The following DPF3 variants were observed in gnomAD, a reference collection of about 807,000 sequenced individuals.
DPF3 encodes the protein zinc finger protein DPF3.
DPF3 carries 18 observed loss-of-function variants against 56.8 expected under a neutral mutation model. The observed-to-expected ratio is 0.32, with a 90% confidence interval of 0.22 to 0.47. The LOEUF is 0.47. DPF3 is among the 20% of genes least tolerant of loss of function. The pLI, the probability that DPF3 is intolerant of heterozygous loss-of-function variation, is 1.00. For missense variants in DPF3, 403 were observed against 488.8 expected (o/e 0.82, Z 1.65); for synonymous variants, 188 against 180.2 (o/e 1.04, Z -0.35).
chr14:72,769,738 G>A lies in DPF3; in HGVS notation c.193+1995C>T, dbSNP rs1054117339. On this transcript the variant is annotated intron_variant, in intron 2 of 10. Coordinates refer to ENST00000556509, the MANE Select transcript of DPF3 (RefSeq NM_001280542.3). ...GCCAGAATCCTGAATGGCCAGAGATGAGGCAAGATAAGCCTCATAAGAATA... is the reference window on the plus strand; with the variant it reads ...GCCAGAATCCTGAATGGCCAGAGATAAGGCAAGATAAGCCTCATAAGAATA... 4.7e-5 allele frequency among the ~76,000 whole-genome samples: 7 copies of A among 149,148 alleles called. No homozygotes were observed. The South Asian group carries it at 1.3e-3, about 27-fold the overall frequency.
intron 3 of DPF3, chr14:72,742,331 G>C (rs1022832630): frequency 2.0e-5 from 3 of 152,310 alleles, no homozygotes; most frequent in African/African-American, 7.2e-5. Flanking sequence ...CCCAGAGACA[G>C]ATAAGCACTG....
intron 1 of DPF3, among the ~76,000 whole-genome samples, chr14:72,776,470 A>T (rs1386527543): frequency 6.6e-6 from 1 of 152,042 alleles, no homozygotes; most frequent in Non-Finnish European, 1.5e-5. Context: ...TCTACATGAG[A>T]TTTCCAGCAA....
chr14:72,861,254 T>C (rs1250683938), intron 1 of DPF3, among the ~76,000 whole-genome samples: 2 of 152,230 alleles, frequency 1.3e-5, no homozygotes, highest in Non-Finnish European at 2.9e-5. Flanking sequence ...GCTATGATTA[T>C]GTAAGCTCTA....
intron 6 of DPF3, among the ~76,000 whole-genome samples, chr14:72,706,823 T>A (rs1215371474): frequency 6.6e-6 from 1 of 152,040 alleles, no homozygotes; most frequent in Non-Finnish European, 1.5e-5. Context: ...TTTTTTTTCT[T>A]TTTTCTTTTA....
chr14:72,733,618 G>A (rs1257762671), intron 3 of DPF3, among the ~76,000 whole-genome samples: 1 of 152,072 alleles, frequency 6.6e-6, no homozygotes, highest in Non-Finnish European at 1.5e-5. Context: ...TCTCCCAAGG[G>A]CCAACCTTAA....
intron 2 of DPF3, among the ~76,000 whole-genome samples, chr14:72,766,006 C>G (rs1487668680): frequency 6.6e-6 from 1 of 152,038 alleles, no homozygotes; most frequent in Non-Finnish European, 1.5e-5. Context: ...AGGGTAGAGG[C>G]ATGGAGAAGC....
chr14:72,752,325 C>A (rs1296601786), intron 3 of DPF3, among the ~76,000 whole-genome samples: 1 of 152,192 alleles, frequency 6.6e-6, no homozygotes. Flanking sequence ...TGCTGCAACA[C>A]AGACACAGGT....
intron 2 of DPF3, among the ~76,000 whole-genome samples, chr14:72,770,414 G>T (rs1891473266): frequency 6.6e-6 from 1 of 152,174 alleles, no homozygotes; most frequent in Non-Finnish European, 1.5e-5. Flanking sequence ...TTTGGATCCT[G>T]ATTTAAACTA....
At chr14:72,848,468 T>C (rs1295450633) in intron 1 of DPF3, among the ~76,000 whole-genome samples, 3 of 152,184 alleles carry the variant, frequency 2.0e-5, no homozygotes, top group Non-Finnish European at 4.4e-5. Context: ...CCTAGACTTA[T>C]GTAGCCATTC....
Position 72,618,327 on chromosome 14 carries a change from A to G in DPF3, c.*970T>C, listed in dbSNP as rs1324611614. Among the ~76,000 whole-genome samples, 1 of 152,184 alleles carries G rather than the reference A, an allele frequency of 6.6e-6. No individual in the cohort carries two copies. Among genetic ancestry groups the G allele is most frequent in the Non-Finnish European group, 1.5e-5 (1 of 68,028 alleles). ...TCGCATCAATACTGAAGGTTTCTCA[A>G]AGCTGCAGCCCCCTGTATCCAGCAT... On this transcript the variant is annotated 3_prime_UTR_variant, in exon 11 of 11. Transcript: ENST00000556509.
chr14:72,833,410 A>G (rs1884146242), intron 1 of DPF3, among the ~76,000 whole-genome samples: 1 of 152,210 alleles, frequency 6.6e-6, no homozygotes, highest in Non-Finnish European at 1.5e-5. Context: ...TCCTGGTTGG[A>G]TATACAAATA....
chr14:72,647,190 A>T (rs1885752565), intron 8 of DPF3, among the ~76,000 whole-genome samples: 1 of 152,126 alleles, frequency 6.6e-6, no homozygotes, highest in South Asian at 2.1e-4. Context: ...AAGCTGGAAA[A>T]CTTTAAAAGA....
intron 8 of DPF3, among the ~76,000 whole-genome samples, chr14:72,639,724 A>C (rs1885486485): frequency 6.6e-6 from 1 of 152,172 alleles, no homozygotes; most frequent in Non-Finnish European, 1.5e-5. Flanking sequence ...ACTTGACTGC[A>C]ACCCAAGGGA....
chr14:72,877,442 G>C (rs1445718253), intron 1 of DPF3, among the ~76,000 whole-genome samples: 1 of 152,126 alleles, frequency 6.6e-6, no homozygotes, highest in Non-Finnish European at 1.5e-5. Context: ...CTTTTGTTCT[G>C]CATTTCTCAG....
At chr14:72,862,029 C>A (rs1885459575) in intron 1 of DPF3, among the ~76,000 whole-genome samples, 1 of 152,182 alleles carries the variant, frequency 6.6e-6, no homozygotes, top group Non-Finnish European at 1.5e-5. Context: ...GAAATATCCT[C>A]ATCACCTAGC....
intron 1 of DPF3, among the ~76,000 whole-genome samples, chr14:72,861,951 T>C (rs1217922183): frequency 6.6e-6 from 1 of 152,314 alleles, no homozygotes; most frequent in Admixed American, 6.5e-5. Flanking sequence ...CAAAAAAGTA[T>C]GTATTATATG....
At chr14:72,672,702 G>A (rs550584383) in intron 8 of DPF3, among the ~76,000 whole-genome samples, 10 of 152,232 alleles carry the variant, frequency 6.6e-5, no homozygotes, top group African/African-American at 2.2e-4. Flanking sequence ...CCATGGCTTC[G>A]ATTCTAGCAC....
intron 1 of DPF3, among the ~76,000 whole-genome samples, chr14:72,781,846 G>A (rs1236410291): frequency 6.6e-6 from 1 of 152,178 alleles, no homozygotes; most frequent in African/African-American, 2.4e-5. Flanking sequence ...TAAAGAATGT[G>A]TAGAATGCAA....
chr14:72,700,126 A>T (rs1295207034), intron 6 of DPF3, among the ~76,000 whole-genome samples: 1 of 152,204 alleles, frequency 6.6e-6, no homozygotes, highest in East Asian at 1.9e-4. Context: ...TCAGGATGAA[A>T]CTGCTTCATC....
Sources: gnomAD v4.1 joint callset for allele counts (sites outside exome capture counted in the v4.1 genomes callset) on GRCh38, gnomAD v4.1.1 for gene constraint, MANE v1.5 for transcripts, NCBI Gene and HGNC (gene_info 2026-07-23, HGNC 2026-07-21) for gene names.